NFASC: variants seen among roughly 807,000 people sequenced by gnomAD.
NFASC encodes the protein neurofascin.
A neutral mutation model predicts 147.5 loss-of-function variants in NFASC; 43 were observed. The ratio of observed to expected loss-of-function variants is 0.29; its 90% CI spans 0.23 to 0.38. The LOEUF is 0.38. Ranked by LOEUF, NFASC falls within the 10% of genes least tolerant of loss-of-function variation. The pLI is 1.00. For missense variants in NFASC, 1,320 were observed against 1,689.0 expected (o/e 0.78, Z 3.83); for synonymous variants, 622 against 665.5 (o/e 0.93, Z 1.01).
intron 23 of NFASC, 192 bp downstream of exon 23, chr1:204,988,998 C>T (rs1376187120): frequency 6.6e-6 from 4 of 610,366 alleles, no homozygotes; most frequent in African/African-American, 1.8e-5. Context: ...GAGCTCAGCT[C>T]TCCTTGGACC....
rs972849363 is a variant in NFASC at position 205,017,058 on chromosome 1, C to T, written c.*519C>T. 6.5e-5 allele frequency: 15 copies of T among 231,484 alleles called. No individual in the cohort carries two copies. The highest frequency in any genetic ancestry group is 1.3e-4 in the Non-Finnish European group (15 of 115,044). 14.3% of individuals were successfully genotyped at this position (231,484 alleles called of 1,614,324 possible). ...AAAGGATTGAATCCATACCAGAACACGTAGACAGGCTGTAATATTCAAACC... is the reference window on the plus strand; with the variant it reads ...AAAGGATTGAATCCATACCAGAACATGTAGACAGGCTGTAATATTCAAACC... On this transcript the variant is annotated 3_prime_UTR_variant, in exon 30 of 30. Coordinates refer to ENST00000339876, the MANE Select transcript of NFASC (RefSeq NM_001005388.3).
At chr1:204,838,256 A>G (rs148794188) in intron 1 of NFASC, among the ~76,000 whole-genome samples, 111 of 152,320 alleles carry the variant, frequency 7.3e-4, no homozygotes, top group African/African-American at 2.5e-3. Flanking sequence ...CATTAAATTT[A>G]TTTATGTAAT....
rs970941959 is a variant in NFASC at position 204,968,669 on chromosome 1, G to A, written c.819-129G>A. 80 of 792,950 alleles carry A rather than the reference G, an allele frequency of 1.0e-4. No individual in the cohort carries two copies. The East Asian group carries it at 2.1e-3, about 21-fold the overall frequency. 49.1% of individuals were successfully genotyped at this position (792,950 alleles called of 1,614,324 possible). On this transcript the variant is annotated intron_variant, in intron 9 of 29. Transcript: ENST00000339876. This position sits in a 1 kb window ranked among gnomAD's most constrained non-coding sequence, Gnocchi z 5.4. ...ATCCTCCTCTGCACAGGAAAGATCA[G>A]CTTTTAGAGGACATGCATCCTCCTG...
intron 17 of NFASC, 40 bp downstream of exon 17, chr1:204,977,765 C>T: frequency 6.3e-7 from 1 of 1,582,922 alleles, no homozygotes; most frequent in Non-Finnish European, 8.7e-7. Context: ...AGTGCCCTCT[C>T]TTGGCACCCA....
chr1:204,938,088 G>A (rs1468426557), intron 2 of NFASC, among the ~76,000 whole-genome samples: 2 of 152,242 alleles, frequency 1.3e-5, no homozygotes, highest in African/African-American at 2.4e-5. Context: ...TGCCCAGAAC[G>A]TGGCTGTGGG....
At chr1:204,931,385 T>C (rs1451515348) in intron 2 of NFASC, among the ~76,000 whole-genome samples, 1 of 152,236 alleles carries the variant, frequency 6.6e-6, no homozygotes, top group Non-Finnish European at 1.5e-5. Flanking sequence ...CAGGCAGCTG[T>C]AGTGATAAGC....
Position 204,856,382 on chromosome 1 carries a change from GGTGTGTGTGTGT to G in NFASC, c.-200+27626_-200+27637del, listed in dbSNP as rs57653534. 8.4e-4 allele frequency among the ~76,000 whole-genome samples: 118 copies of G among 139,786 alleles called. 1 individual carries two copies. Among genetic ancestry groups the G allele is most frequent in the South Asian group, 6.1e-3 (25 of 4,096 alleles). 91.7% of individuals were successfully genotyped at this position (139,786 alleles called of 152,430 possible). ...AAGTGCCAAGGAGAGATGCAGAACAGGTGTGTGTGTGTGTGTGTGTGTGTGTGTGTGTGTGTG... is the reference window on the plus strand; with the variant it reads ...AAGTGCCAAGGAGAGATGCAGAACAGGTGTGTGTGTGTGTGTGTGTGTGTG... On this transcript the variant is annotated intron_variant, in intron 1 of 29. Transcript: ENST00000339876.
In NFASC at chr1:204,920,647, T is replaced by C. The variant is rs184776653; in HGVS notation, c.-184T>C. The C allele has an allele frequency of 1.4e-5, 18 of 1,288,888 alleles. No homozygotes were observed. Among genetic ancestry groups the C allele is most frequent in the Middle Eastern group, 2.1e-4 (1 of 4,692 alleles). 79.8% of individuals were successfully genotyped at this position (1,288,888 alleles called of 1,614,324 possible). ...CTTGAGACAGGTTGATTGACTTATG[T>C]GCAATTTGGGACGCTGGAGTTTACC... On this transcript the variant is annotated 5_prime_UTR_variant, in exon 2 of 30. Coordinates refer to ENST00000339876, the MANE Select transcript of NFASC (RefSeq NM_001005388.3).
intron 24 of NFASC, 123 bp downstream of exon 24, chr1:204,991,429 C>G: frequency 9.5e-7 from 1 of 1,052,588 alleles, no homozygotes; most frequent in South Asian, 1.4e-5. Flanking sequence ...CTCACCCTTT[C>G]AGTGGTTGGG....
At position 204,975,375 on chromosome 1, in the gene NFASC, G is replaced by A. The variant is rs780808149; in HGVS notation, c.1663G>A (p.Val555Ile). 1.5e-5 allele frequency: 24 copies of A among 1,613,978 alleles called. No homozygotes were observed. Among genetic ancestry groups the A allele is most frequent in the East Asian group, 8.9e-5 (4 of 44,900 alleles). The change falls in exon 15 of 30, where the codon GTC (valine) becomes ATC (isoleucine). Residue 555 changes from valine (V) to isoleucine (I), a missense_variant. Around this residue, in one of 3 missense-constraint regions of NFASC, gnomAD observed 981 missense variants for 1,289.5 expected, o/e 0.76. Transcript: ENST00000339876. This position sits in a 1 kb window ranked among gnomAD's most constrained non-coding sequence, Gnocchi z 4.0. ...VKHDPSLKLT[V>I]SWLKDDEPLY... ...GCACGACCCCTCCCTGAAACTCACC[G>A]TCTCCTGGCTGAAGGATGACGAGCC... is the stretch of plus-strand genomic sequence containing the variant.
At chr1:204,910,434 A>G (rs2087082142) in intron 1 of NFASC, among the ~76,000 whole-genome samples, 1 of 151,926 alleles carries the variant, frequency 6.6e-6, no homozygotes, top group Non-Finnish European at 1.5e-5. Flanking sequence ...GTATTCATTT[A>G]TTAGGTTTAA....
At chr1:205,000,799 C>A in intron 25 of NFASC, 1 of 273,034 alleles carries the variant, frequency 3.7e-6, no homozygotes. Context: ...TGTACTCCAG[C>A]TTGGGCAACA....
chr1:204,941,902 G>A (rs755843519), intron 2 of NFASC, among the ~76,000 whole-genome samples: 4 of 152,244 alleles, frequency 2.6e-5, no homozygotes, highest in Non-Finnish European at 5.9e-5. Flanking sequence ...TCCACAGCAT[G>A]TGCTCTCCTG....
At chr1:204,874,944 A>G (rs1200864697) in intron 1 of NFASC, among the ~76,000 whole-genome samples, 2 of 152,144 alleles carry the variant, frequency 1.3e-5, no homozygotes, top group Admixed American at 1.3e-4. Flanking sequence ...GTCTTTATTT[A>G]GTCCCTCAGT....
At chr1:204,937,225 C>T (rs933351979) in intron 2 of NFASC, among the ~76,000 whole-genome samples, 4 of 152,062 alleles carry the variant, frequency 2.6e-5, no homozygotes, top group East Asian at 1.9e-4. Context: ...CATCTTCACA[C>T]GTACACAGCC....
intron 29 of NFASC, among the ~76,000 whole-genome samples, chr1:205,013,606 G>A (rs2096291419): frequency 6.6e-6 from 1 of 152,218 alleles, no homozygotes; most frequent in Non-Finnish European, 1.5e-5. Context: ...CTACCTGGAT[G>A]CATCTTTGTA....
intron 1 of NFASC, chr1:204,870,833 C>T (rs764341800): frequency 1.3e-5 from 15 of 1,180,272 alleles, no homozygotes; most frequent in Non-Finnish European, 1.3e-5. Flanking sequence ...ATGGGGGTGA[C>T]AAGGAGCAGG....
intron 1 of NFASC, among the ~76,000 whole-genome samples, chr1:204,851,326 CT>C (rs59834352): frequency 0.21 from 28,147 of 136,148 alleles, 2,751 homozygotes; most frequent in East Asian, 0.48. Flanking sequence ...TCATGCTTTT[CT>C]TTTTTTTTTT....
At chr1:204,922,883 GTCA>G (rs2090773907) in intron 2 of NFASC, among the ~76,000 whole-genome samples, 2 of 152,258 alleles carry the variant, frequency 1.3e-5, no homozygotes, top group East Asian at 3.9e-4. Context: ...GATGATAATC[GTCA>G]TCATTATAAT....
Sources: gnomAD v4.1 joint callset for allele counts (sites outside exome capture counted in the v4.1 genomes callset) on GRCh38, gnomAD v4.1.1 for gene constraint, gnomAD v4.1.1 regional missense constraint, Gnocchi (gnomAD v3.1) non-coding constraint, MANE v1.5 for transcripts, NCBI Gene and HGNC (gene_info 2026-07-23, HGNC 2026-07-21) for gene names.